Variants in RAPGEF4 observed in about 807,000 individuals in gnomAD.
RAPGEF4 encodes the protein Rap guanine nucleotide exchange factor 4, also known as RAP guanine-nucleotide-exchange factor (GEF) 4.
Under a neutral mutation model 147.9 loss-of-function variants are expected in RAPGEF4, and 66 were observed. The ratio of observed to expected loss-of-function variants is 0.45; its 90% CI spans 0.37 to 0.55. The LOEUF (loss-of-function observed/expected upper bound fraction) is 0.55, where lower values mean the gene tolerates loss of function less well. Among genes scored for constraint, RAPGEF4 ranks in the 20% least tolerant of loss-of-function variants. RAPGEF4 has a pLI of 0.00. For synonymous variants in RAPGEF4, 419 were observed against 442.7 expected (o/e 0.95, Z 0.67); for missense variants, 1,071 against 1,257.3 (o/e 0.85, Z 2.24).
chr2:172,957,920 G>A (rs1688906061), intron 6 of RAPGEF4, among the ~76,000 whole-genome samples: 1 of 152,166 alleles, frequency 6.6e-6, no homozygotes, highest in South Asian at 2.1e-4. Flanking sequence ...GGGTTCCAAG[G>A]AACCAGAAAG....
intron 17 of RAPGEF4, among the ~76,000 whole-genome samples, chr2:173,002,477 G>A (rs903205620): frequency 2.0e-5 from 3 of 152,156 alleles, no homozygotes; most frequent in Non-Finnish European, 4.4e-5. Context: ...TTATTAATAA[G>A]CTTCACACTC....
intron 6 of RAPGEF4, 60 bp downstream of exon 6, chr2:172,922,360 TG>T (rs1684860014): frequency 6.8e-7 from 1 of 1,473,206 alleles, no homozygotes; most frequent in African/African-American, 1.4e-5. Context: ...AAAATAATCA[TG>T]GTAACCCTAC....
At chr2:172,919,909 G>GC (rs1470656773) in intron 5 of RAPGEF4, among the ~76,000 whole-genome samples, 4 of 151,914 alleles carry the variant, frequency 2.6e-5, no homozygotes, top group East Asian at 1.9e-4. Flanking sequence ...CGGGCCCAGC[G>GC]CCCTTCCTTT....
chr2:173,029,218 T>A (rs1029527060), intron 25 of RAPGEF4, among the ~76,000 whole-genome samples: 1 of 152,244 alleles, frequency 6.6e-6, no homozygotes, highest in African/African-American at 2.4e-5. Context: ...TAAGAATTAC[T>A]CTTTGCTACC....
At chr2:172,757,432 C>A (rs1473041095) in intron 1 of RAPGEF4, among the ~76,000 whole-genome samples, 1 of 152,188 alleles carries the variant, frequency 6.6e-6, no homozygotes, top group Non-Finnish European at 1.5e-5. Context: ...GCCCCCAGTG[C>A]TGTTTTTAAA....
rs891564292 is a variant in RAPGEF4, at chr2:172,985,314, G to A, written c.1090-119G>A. ...ATGAGAGCAGCAGCAAGAGAGGTGA[G>A]AGATGACTGCATGGGAAGCCCCGGG... On this transcript the variant is annotated intron_variant, in intron 11 of 30. Coordinates refer to ENST00000397081, the MANE Select transcript of RAPGEF4 (RefSeq NM_007023.4). The A allele has an allele frequency of 2.9e-6, 4 of 1,357,326 alleles. No homozygotes were observed. The Admixed American group carries it at 7.9e-5, about 27-fold the overall frequency. 84.1% of individuals were successfully genotyped at this position (1,357,326 alleles called of 1,614,324 possible).
intron 4 of RAPGEF4, among the ~76,000 whole-genome samples, chr2:172,891,327 G>A (rs1306219997): frequency 1.3e-5 from 2 of 152,102 alleles, no homozygotes; most frequent in Admixed American, 6.5e-5. Context: ...TATGATGTCT[G>A]TCAGATATTA....
intron 4 of RAPGEF4, among the ~76,000 whole-genome samples, chr2:172,820,279 T>G (rs1688944079): frequency 6.6e-6 from 1 of 152,236 alleles, no homozygotes; most frequent in Non-Finnish European, 1.5e-5. Context: ...CCTCTTTACC[T>G]GTAGTTCAAT....
chr2:172,783,636 C>T (rs1025973236), intron 1 of RAPGEF4, among the ~76,000 whole-genome samples: 3 of 152,086 alleles, frequency 2.0e-5, no homozygotes, highest in Admixed American at 6.6e-5. Flanking sequence ...AGTCAAGAGC[C>T]TCAGCCGAGA....
At chr2:172,833,518 G>A (rs72900223) in intron 4 of RAPGEF4, among the ~76,000 whole-genome samples, 2,276 of 151,892 alleles carry the variant, frequency 0.015, 20 homozygotes, top group South Asian at 0.034. Context: ...TTATTACTTC[G>A]CTTTGTATTT....
intron 4 of RAPGEF4, among the ~76,000 whole-genome samples, chr2:172,879,753 G>A: frequency 6.6e-6 from 1 of 152,140 alleles, no homozygotes; most frequent in East Asian, 1.9e-4. Context: ...AGTGAGCCGT[G>A]ATCATACCAC....
intron 23 of RAPGEF4, among the ~76,000 whole-genome samples, chr2:173,022,159 C>T (rs1696163007): frequency 1.3e-5 from 2 of 152,340 alleles, no homozygotes; most frequent in Admixed American, 1.3e-4. Flanking sequence ...TGCACGGGTG[C>T]TGGGGACTCT....
At chr2:172,965,272 A>G in intron 8 of RAPGEF4, 1 of 383,576 alleles carries the variant, frequency 2.6e-6, no homozygotes. Context: ...TTAGCTTGCC[A>G]GACAATCTCC....
intron 4 of RAPGEF4, among the ~76,000 whole-genome samples, chr2:172,842,022 C>G (rs1185596466): frequency 6.6e-6 from 1 of 152,072 alleles, no homozygotes; most frequent in Admixed American, 6.6e-5. Context: ...TATTCAGGAC[C>G]TACTGTGCAT....
intron 4 of RAPGEF4, among the ~76,000 whole-genome samples, chr2:172,914,843 GT>G (rs1352050823): frequency 6.6e-6 from 1 of 152,166 alleles, no homozygotes; most frequent in Non-Finnish European, 1.5e-5. Flanking sequence ...ATATTGCGCT[GT>G]AGTTTTTATG....
At chr2:172,960,895 A>C in intron 7 of RAPGEF4, 82 bp downstream of exon 7, 2 of 1,177,028 alleles carry the variant, frequency 1.7e-6, no homozygotes, top group Non-Finnish European at 1.2e-6. Flanking sequence ...TCAGGGGATC[A>C]CATCAGGAAG....
intron 1 of RAPGEF4, among the ~76,000 whole-genome samples, chr2:172,788,036 C>T (rs1340550139): frequency 6.6e-6 from 1 of 152,132 alleles, no homozygotes; most frequent in Non-Finnish European, 1.5e-5. Flanking sequence ...GTGAGGGCTG[C>T]TCTCTAACTC....
chr2:172,783,215 GC>G (rs1461032505), intron 1 of RAPGEF4, among the ~76,000 whole-genome samples: 1 of 152,164 alleles, frequency 6.6e-6, no homozygotes, highest in Non-Finnish European at 1.5e-5. Context: ...TCATCCATCG[GC>G]CGAGGACAGA....
intron 1 of RAPGEF4, among the ~76,000 whole-genome samples, chr2:172,790,041 G>A (rs72902291): frequency 6.6e-6 from 1 of 152,256 alleles, no homozygotes; most frequent in African/African-American, 2.4e-5. Context: ...TCTCTAAACT[G>A]ATTTTCATAG....
Sources: allele counts gnomAD v4.1 joint callset (sites outside exome capture counted in the v4.1 genomes callset), GRCh38; gene constraint gnomAD v4.1.1; transcripts MANE v1.5; gene names NCBI Gene and HGNC (gene_info 2026-07-23, HGNC 2026-07-21).